GABRA6: variants seen among roughly 807,000 people sequenced by gnomAD.
GABRA6 encodes the protein gamma-aminobutyric acid receptor subunit alpha-6.
A neutral mutation model predicts 47.3 loss-of-function variants in GABRA6; 45 were observed. That is an observed-to-expected ratio of 0.95 (90% confidence interval 0.75 to 1.22). The LOEUF is 1.22. GABRA6 is among the 50% of genes most tolerant of loss of function. GABRA6 has a pLI of 0.00. For missense variants in GABRA6, 583 were observed against 549.3 expected (o/e 1.06, Z -0.61); for synonymous variants, 219 against 194.7 (o/e 1.12, Z -1.04).
chr5:161,702,017 T>G lies in GABRA6; in HGVS notation c.*244T>G, dbSNP rs1034051694. Reference sequence around the variant, plus strand: ...ATGTTAGAGAAAAACTTTATGAGGATGAAATGGGTTCAAGATGAATTTGTC... The same window carrying G: ...ATGTTAGAGAAAAACTTTATGAGGAGGAAATGGGTTCAAGATGAATTTGTC... On this transcript the variant is annotated 3_prime_UTR_variant, in exon 9 of 9. Coordinates refer to ENST00000274545, the MANE Select transcript of GABRA6 (RefSeq NM_000811.3). 19 of 515,816 alleles carry G rather than the reference T, an allele frequency of 3.7e-5. No homozygotes were observed. The highest frequency in any genetic ancestry group is 5.9e-5 in the Non-Finnish European group (17 of 287,750). The allele number at this position is 515,816 out of a possible 1,614,324, so 32.0% of individuals were successfully genotyped here. A position where few individuals can be genotyped will look rare whatever the true frequency, so the allele number is the denominator to read the frequency against.
intron 7 of GABRA6, 51 bp downstream of exon 7, chr5:161,690,404 G>C: frequency 6.4e-7 from 1 of 1,560,484 alleles, no homozygotes; most frequent in Non-Finnish European, 8.8e-7. Flanking sequence ...ACCTTTCATT[G>C]CTTGTGTATT....
chr5:161,686,815 T>A (rs1420561510), intron 2 of GABRA6, 121 bp from the exon 3 acceptor site: 1 of 826,496 alleles, frequency 1.2e-6, no homozygotes, highest in Admixed American at 1.9e-5. Context: ...ACTACTGGAA[T>A]GCAATAGGAC....
At chr5:161,686,725 T>A (rs1208053706) in intron 2 of GABRA6, among the ~76,000 whole-genome samples, 1 of 152,224 alleles carries the variant, frequency 6.6e-6, no homozygotes. Flanking sequence ...CATTCTTTAA[T>A]GTTCTCCCAA....
chr5:161,695,686 T>C (rs1464374626), intron 8 of GABRA6, among the ~76,000 whole-genome samples: 1 of 152,202 alleles, frequency 6.6e-6, no homozygotes, highest in Admixed American at 6.5e-5. Context: ...TTACTCTCAA[T>C]GTAGCTTCTC....
chr5:161,697,214 C>T (rs1301646564), intron 8 of GABRA6, among the ~76,000 whole-genome samples: 1 of 152,152 alleles, frequency 6.6e-6, no homozygotes, highest in African/African-American at 2.4e-5. Context: ...AGTGACAGCC[C>T]CAAGCTGAGC....
In GABRA6 at chr5:161,686,994, T is replaced by A. The variant is rs200579653; in HGVS notation, c.216T>A (p.Asp72Glu). The change falls in exon 3 of 9, where the codon GAT (aspartate) becomes GAA (glutamate). Residue 72 changes from aspartate (D) to glutamate (E), a missense_variant. Transcript: ENST00000274545. ...IYVTSFGPVS[D>E]VEMEYTMDVF... ...TGACCAGTTTTGGGCCCGTGTCAGA[T>A]GTGGAGATGGTGAGTAAGTTCTAAG... 6.2e-7 allele frequency: 1 copy of A among 1,613,806 alleles called. No individual in the cohort carries two copies.
intron 3 of GABRA6, chr5:161,687,270 A>C: frequency 2.1e-6 from 1 of 471,252 alleles, no homozygotes; most frequent in Non-Finnish European, 3.9e-6. Flanking sequence ...CTTCCCTCCA[A>C]AGAGAAGAGA....
At chr5:161,700,439 G>A (rs199606381) in intron 8 of GABRA6, among the ~76,000 whole-genome samples, 20 of 152,284 alleles carry the variant, frequency 1.3e-4, no homozygotes, top group East Asian at 5.8e-4. Context: ...AGAAAAGATA[G>A]GAATCAGAGG....
In GABRA6 at chr5:161,685,997, C is replaced by T. The variant is rs758271057; in HGVS notation, c.8C>T (p.Ser3Leu). The change falls in exon 1 of 9, where the codon TCG becomes TTG. Residue 3 changes from serine (S) to leucine (L), a missense_variant. Transcript: ENST00000274545. MA[S>L]SLPWLCIILW... Reference sequence around the variant, plus strand: ...ATTTCAGTGCACTGCAGGATGGCGTCGTCTCTGCCCTGGCTGTGCATTATT... The same window carrying T: ...ATTTCAGTGCACTGCAGGATGGCGTTGTCTCTGCCCTGGCTGTGCATTATT... The T allele has an allele frequency of 2.5e-6, 4 of 1,613,866 alleles. No homozygotes were observed. Among genetic ancestry groups the T allele is most frequent in the East Asian group, 2.2e-5 (1 of 44,872 alleles).
At chr5:161,689,885 C>A in intron 6 of GABRA6, 106 bp downstream of exon 6, 1 of 1,261,058 alleles carries the variant, frequency 7.9e-7, no homozygotes, top group Non-Finnish European at 1.1e-6. Context: ...CTCAGCTAAG[C>A]ATGCTGTTTT....
At position 161,685,755 on chromosome 5, in the gene GABRA6, C is replaced by A. The variant is rs957827939; in HGVS notation, c.-235C>A. The A allele has an allele frequency of 1.7e-6, 1 of 594,990 alleles. No individual in the cohort carries two copies. The highest frequency in any genetic ancestry group is 3.0e-6 in the Non-Finnish European group (1 of 334,530). The allele number at this position is 594,990 out of a possible 1,614,324, so 36.9% of individuals were successfully genotyped here. A position where few individuals can be genotyped will look rare whatever the true frequency, so the allele number is the denominator to read the frequency against. ...AGCCTGGGTGTCTGCAGGACATAATCTAAGACCACAAACCACCTTGTTCCA... is the reference window on the plus strand; with the variant it reads ...AGCCTGGGTGTCTGCAGGACATAATATAAGACCACAAACCACCTTGTTCCA... On this transcript the variant is annotated 5_prime_UTR_variant, in exon 1 of 9. Coordinates refer to ENST00000274545, the MANE Select transcript of GABRA6 (RefSeq NM_000811.3).
chr5:161,696,351 AT>A (rs5872722), intron 8 of GABRA6, among the ~76,000 whole-genome samples: 65,234 of 140,144 alleles, frequency 0.47, 14,551 homozygotes, highest in East Asian at 0.66. Flanking sequence ...TATTGCACAG[AT>A]TTTTTTTTTT....
chr5:161,695,892 GC>G (rs1489651219), intron 8 of GABRA6, among the ~76,000 whole-genome samples: 1 of 151,554 alleles, frequency 6.6e-6, no homozygotes, highest in Non-Finnish European at 1.5e-5. Context: ...TTTGATAAGT[GC>G]CTTTATGTGC....
chr5:161,689,889 C>A, intron 6 of GABRA6, 110 bp downstream of exon 6: 1 of 1,183,938 alleles, frequency 8.4e-7, no homozygotes. Flanking sequence ...GCTAAGCATG[C>A]TGTTTTGCAG....
chr5:161,687,127 A>G, intron 3 of GABRA6, 124 bp downstream of exon 3: 1 of 797,850 alleles, frequency 1.3e-6, no homozygotes, highest in Non-Finnish European at 2.2e-6. Context: ...ATTTGTATTC[A>G]TGCTGGGAGG....
rs1156846261 is a variant in GABRA6, at chr5:161,689,148, G to A, written c.425G>A (p.Gly142Glu). ...PNKLFRIMQN[G>E]TILYTMRLTI... is the part of the protein sequence containing the mutation. ...AAACTCTTCAGAATAATGCAGAATG[G>A]AACCATTTTATACACCATGAGGTGA... Residue 142 changes from glycine to glutamate, a missense_variant, in exon 4 of 9, where the codon GGA (glycine) becomes GAA (glutamate). Coordinates refer to ENST00000274545, the MANE Select transcript of GABRA6 (RefSeq NM_000811.3). 9 of 1,613,868 alleles carry A rather than the reference G, an allele frequency of 5.6e-6. No homozygotes were observed. The highest frequency in any genetic ancestry group is 7.6e-6 in the Non-Finnish European group (9 of 1,179,878).
At chr5:161,688,788 A>T (rs1754741384) in intron 3 of GABRA6, among the ~76,000 whole-genome samples, 161 bp from the exon 4 acceptor site, 1 of 152,196 alleles carries the variant, frequency 6.6e-6, no homozygotes, top group Non-Finnish European at 1.5e-5. Flanking sequence ...TCTGAGTTTG[A>T]GAACAATAAT....
Position 161,692,037 on chromosome 5 carries a change from C to A in GABRA6, c.923C>A (p.Ala308Asp), listed in dbSNP as rs1251508686. 1.2e-6 allele frequency: 2 copies of A among 1,614,060 alleles called. No homozygotes were observed. The highest frequency in any genetic ancestry group is 1.7e-5 in the Admixed American group (1 of 60,010). The change falls in exon 8 of 9, where the codon GCT becomes GAT. Residue 308 changes from alanine (A) to aspartate (D), a missense_variant. Transcript: ENST00000274545. ...GCCACTGCCATGGATTGGTTCATAG[C>A]TGTTTGCTTTGCATTCGTCTTCTCT... ...SYATAMDWFI[A>D]VCFAFVFSAL...
chr5:161,689,542 T>G, intron 5 of GABRA6, 94 bp from the exon 6 acceptor site: 2 of 1,210,266 alleles, frequency 1.7e-6, no homozygotes, highest in Non-Finnish European at 1.2e-6. Context: ...AATCTATGTT[T>G]GTATTTCCTT....
Sources: allele counts gnomAD v4.1 joint callset (sites outside exome capture counted in the v4.1 genomes callset), GRCh38; gene constraint gnomAD v4.1.1; transcripts MANE v1.5; gene names NCBI Gene and HGNC (gene_info 2026-07-23, HGNC 2026-07-21).